The following PACRG variants were observed in gnomAD, a reference collection of about 807,000 sequenced individuals.
PACRG encodes parkin coregulated.
In PACRG, 29 loss-of-function variants were observed where a neutral mutation model predicts 29.7. The ratio of observed to expected loss-of-function variants is 0.98; its 90% confidence interval spans 0.73 to 1.33. The LOEUF (loss-of-function observed/expected upper bound fraction) is 1.33. PACRG is among the 40% of genes most tolerant of loss of function. The pLI is 0.00. For missense variants in PACRG, 279 were observed against 316.2 expected, an observed-to-expected ratio of 0.88 and a Z score of 0.89; for synonymous variants, 116 against 118.7, an observed-to-expected ratio of 0.98 and a Z score of 0.15.
At chr6:163,152,428 C>T (rs962122469) in intron 4 of PACRG, among the ~76,000 whole-genome samples, 1 of 152,118 alleles carries the variant, frequency 6.6e-6, no homozygotes, top group African/African-American at 2.4e-5. Flanking sequence ...TAATTAGAGC[C>T]AAAATGCCCA....
intron 2 of PACRG, 88 bp from the exon 3 acceptor site, chr6:163,062,062 C>G: frequency 7.2e-7 from 1 of 1,395,792 alleles, no homozygotes; most frequent in Admixed American, 1.9e-5. Context: ...GCGTGCCCCT[C>G]TGGAGTGGGT....
intron 4 of PACRG, among the ~76,000 whole-genome samples, chr6:163,176,872 T>C (rs555288807): frequency 6.6e-6 from 1 of 152,246 alleles, no homozygotes; most frequent in Admixed American, 6.5e-5. Context: ...CAAGAAATAA[T>C]GGAGGGTGTT....
chr6:163,240,431 T>C (rs1782454991), intron 4 of PACRG, among the ~76,000 whole-genome samples: 1 of 152,114 alleles, frequency 6.6e-6, no homozygotes, highest in Non-Finnish European at 1.5e-5. Context: ...TTCCATAAAA[T>C]CTATACTATT....
chr6:163,080,428 G>A (rs777963363), intron 3 of PACRG, among the ~76,000 whole-genome samples: 6 of 152,152 alleles, frequency 3.9e-5, no homozygotes, highest in South Asian at 2.1e-4. Context: ...TCTGTGAGAC[G>A]TGCTCATACG....
chr6:163,309,142 C>T (rs1027199223), intron 4 of PACRG, among the ~76,000 whole-genome samples: 2 of 152,148 alleles, frequency 1.3e-5, no homozygotes. Flanking sequence ...ATGCTGGGTA[C>T]GGAAAGAGCT....
Position 162,890,765 on chromosome 6 carries a change from A to G in PACRG, c.291+76484A>G, listed in dbSNP as rs929325537. Among the ~76,000 whole-genome samples, 8 of 152,298 alleles carry G rather than the reference A, an allele frequency of 5.3e-5. No homozygotes were observed. In the East Asian group the frequency reaches 1.2e-3, roughly 22 times the overall value. On this transcript the variant is annotated intron_variant, in intron 2 of 4. Coordinates refer to ENST00000366888, the MANE Select transcript of PACRG (RefSeq NM_001080379.2). ...ACCCTGTGAATCAGCATGCTGGGGT[A>G]GGACCCCAGGGTGGAAACTGTTGAA...
intron 2 of PACRG, chr6:162,997,349 G>T: frequency 2.3e-6 from 1 of 438,004 alleles, no homozygotes; most frequent in East Asian, 7.2e-5. Flanking sequence ...TGGTTTATTT[G>T]CTTATATTAG....
In PACRG at chr6:163,253,297, CAAAAAAAAAA is replaced by C. The variant is rs576001593; in HGVS notation, c.614-61521_614-61512del. 2.2e-3 allele frequency among the ~76,000 whole-genome samples: 109 copies of C among 50,176 alleles called. 1 individual carries two copies. The highest frequency in any genetic ancestry group is 4.6e-3 in the Admixed American group (22 of 4,770). The allele number at this position is 50,176 out of a possible 152,430, so 32.9% of individuals were successfully genotyped here. ...CGTGGGTGAGAGAGTGAGACTGTCT[CAAAAAAAAAA>C]AAAAAAAAGGAAAGAAAGAAAGAAA... On this transcript the variant is annotated intron_variant, in intron 4 of 4. Transcript: ENST00000366888.
At chr6:163,131,315 C>CAA (rs55958953) in intron 4 of PACRG, among the ~76,000 whole-genome samples, 172 of 136,170 alleles carry the variant, frequency 1.3e-3, no homozygotes, top group African/African-American at 4.0e-3. Context: ...CTGTCTCAAA[C>CAA]AAAAAAAAAA....
At chr6:162,806,242 G>C (rs1475865229) in intron 1 of PACRG, among the ~76,000 whole-genome samples, 2 of 151,806 alleles carry the variant, frequency 1.3e-5, no homozygotes, top group East Asian at 1.9e-4. Flanking sequence ...CCAAGTATCT[G>C]GGATCACAGG....
At chr6:163,120,689 A>C (rs1220941396) in intron 4 of PACRG, among the ~76,000 whole-genome samples, 1 of 146,722 alleles carries the variant, frequency 6.8e-6, no homozygotes, top group Non-Finnish European at 1.5e-5. Flanking sequence ...TCTTTTTAAG[A>C]AAAAAAAAAT....
At chr6:163,108,608 C>T (rs576534027) in intron 4 of PACRG, among the ~76,000 whole-genome samples, 4 of 151,598 alleles carry the variant, frequency 2.6e-5, no homozygotes, top group Admixed American at 6.6e-5. Context: ...ATGTTGGTCT[C>T]GAACTCCTGG....
chr6:162,863,995 A>C (rs1315016124), intron 2 of PACRG, among the ~76,000 whole-genome samples: 1 of 151,882 alleles, frequency 6.6e-6, no homozygotes, highest in Non-Finnish European at 1.5e-5. Context: ...GCTTTGATGC[A>C]TCTGTTTTCT....
chr6:162,902,629 C>T (rs1490195697), intron 2 of PACRG, among the ~76,000 whole-genome samples: 1 of 152,142 alleles, frequency 6.6e-6, no homozygotes, highest in Non-Finnish European at 1.5e-5. Context: ...AAGATGTATA[C>T]AGAATACTTA....
intron 2 of PACRG, among the ~76,000 whole-genome samples, chr6:162,968,029 C>G (rs1302304967): frequency 6.6e-6 from 1 of 152,148 alleles, no homozygotes; most frequent in East Asian, 1.9e-4. Context: ...CAGCTAACAT[C>G]AAACTGTGGA....
At chr6:163,235,429 A>C (rs906523072) in intron 4 of PACRG, among the ~76,000 whole-genome samples, 1 of 152,168 alleles carries the variant, frequency 6.6e-6, no homozygotes, top group Admixed American at 6.5e-5. Context: ...CTTGACTGAG[A>C]GGAGGTGGTG....
intron 4 of PACRG, among the ~76,000 whole-genome samples, chr6:163,153,503 G>A (rs1323500668): frequency 6.6e-6 from 1 of 152,206 alleles, no homozygotes; most frequent in African/African-American, 2.4e-5. Flanking sequence ...AAAAAATGGT[G>A]AATTTTGTCA....
In PACRG at chr6:163,055,512, C is replaced by A. The variant is rs903738400; in HGVS notation, c.292-6638C>A. ...ACAAAATTATTATAATAAAAAGGAA[C>A]CCTGGAAGATATGTAAAAGGAATTT... On this transcript the variant is annotated intron_variant, in intron 2 of 4. Transcript: ENST00000366888. This position sits in a 1 kb window ranked among gnomAD's most constrained non-coding sequence, Gnocchi z 4.0. 1.3e-5 allele frequency among the ~76,000 whole-genome samples: 2 copies of A among 152,002 alleles called. No homozygotes were observed. Among genetic ancestry groups the A allele is most frequent in the Non-Finnish European group, 1.5e-5 (1 of 68,004 alleles).
At chr6:163,095,893 C>A (rs1814536185) in intron 4 of PACRG, among the ~76,000 whole-genome samples, 3 of 152,156 alleles carry the variant, frequency 2.0e-5, no homozygotes, top group Non-Finnish European at 2.9e-5. Flanking sequence ...TCAATCCAGT[C>A]CAGATGATAT....
Sources: gnomAD v4.1 joint callset for allele counts (sites outside exome capture counted in the v4.1 genomes callset) on GRCh38, gnomAD v4.1.1 for gene constraint, Gnocchi (gnomAD v3.1) non-coding constraint, MANE v1.5 for transcripts, NCBI Gene and HGNC (gene_info 2026-07-23, HGNC 2026-07-21) for gene names.